The following GALNT13 variants were observed in gnomAD, a reference collection of about 807,000 sequenced individuals.
GALNT13 encodes polypeptide N-acetylgalactosaminyltransferase 13.
Under a neutral mutation model 64.2 loss-of-function variants are expected in GALNT13, and 28 were observed. The ratio of observed to expected loss-of-function variants is 0.44; its 90% CI spans 0.32 to 0.60. The LOEUF (loss-of-function observed/expected upper bound fraction) is 0.60. Among genes scored for constraint, GALNT13 ranks in the 20% least tolerant of loss-of-function variants. The pLI is 0.05. For missense variants in GALNT13, 577 were observed against 669.8 expected (o/e 0.86, Z 1.53); for synonymous variants, 214 against 224.6 (o/e 0.95, Z 0.42).
At chr2:153,795,866 T>C in the GALNT13 span, among the ~76,000 whole-genome samples, 15 of 152,200 alleles carry the variant, frequency 9.9e-5, no homozygotes, top group Non-Finnish European at 1.8e-4. Flanking sequence ...TTCACAATTA[T>C]TCACTTAAGC....
chr2:153,646,051 G>A, the GALNT13 span, among the ~76,000 whole-genome samples: 3 of 152,014 alleles, frequency 2.0e-5, no homozygotes, highest in African/African-American at 4.8e-5. Flanking sequence ...CTATTTTGGT[G>A]TAATAATGCC....
chr2:153,612,741 C>G, the GALNT13 span, among the ~76,000 whole-genome samples: 1 of 152,000 alleles, frequency 6.6e-6, no homozygotes, highest in Non-Finnish European at 1.5e-5. Context: ...GAAATATATT[C>G]TTTATAATGG....
intron 3 of GALNT13, among the ~76,000 whole-genome samples, chr2:154,067,327 T>C (rs1399837658): frequency 6.6e-6 from 1 of 151,988 alleles, no homozygotes; most frequent in African/African-American, 2.4e-5. Flanking sequence ...AACTCTCCAA[T>C]CAAAAGGCAT....
chr2:154,333,664 T>A (rs1217536508), intron 9 of GALNT13, among the ~76,000 whole-genome samples: 1 of 152,110 alleles, frequency 6.6e-6, no homozygotes, highest in African/African-American at 2.4e-5. Context: ...TATACCTGTT[T>A]ATAAAAATGG....
chr2:153,776,166 A>G, the GALNT13 span, among the ~76,000 whole-genome samples: 4 of 152,242 alleles, frequency 2.6e-5, no homozygotes, highest in Non-Finnish European at 5.9e-5. Context: ...GAAATAAATC[A>G]AAAAACAAAT....
At chr2:153,191,760 G>A in the GALNT13 span, among the ~76,000 whole-genome samples, 2 of 151,374 alleles carry the variant, frequency 1.3e-5, no homozygotes, top group Non-Finnish European at 3.0e-5. Context: ...GGTTGTTCCG[G>A]TTTTCTGTTT....
chr2:153,488,379 ACT>A, the GALNT13 span, among the ~76,000 whole-genome samples: 3 of 152,136 alleles, frequency 2.0e-5, no homozygotes, highest in Admixed American at 2.0e-4. Flanking sequence ...TCTTTTAGAC[ACT>A]GTTTTTTTCC....
chr2:153,527,578 C>T, the GALNT13 span, among the ~76,000 whole-genome samples: 9 of 152,168 alleles, frequency 5.9e-5, no homozygotes, highest in African/African-American at 1.9e-4. Flanking sequence ...TAAGTAATCA[C>T]CTGAATGTAC....
chr2:153,447,638 G>T, the GALNT13 span, among the ~76,000 whole-genome samples: 1 of 151,946 alleles, frequency 6.6e-6, no homozygotes, highest in Non-Finnish European at 1.5e-5. Flanking sequence ...TAGTTTTATT[G>T]GTTATATAAT....
chr2:154,288,341 C>G (rs549961652), intron 8 of GALNT13, among the ~76,000 whole-genome samples: 1 of 152,192 alleles, frequency 6.6e-6, no homozygotes, highest in South Asian at 2.1e-4. Context: ...TGGGTGGAGA[C>G]AGAGCCAAAC....
At chr2:154,046,395 C>T (rs534708897) in intron 3 of GALNT13, among the ~76,000 whole-genome samples, 8 of 152,122 alleles carry the variant, frequency 5.3e-5, no homozygotes, top group East Asian at 3.9e-4. Context: ...TCTGGTGGGC[C>T]GTTTTCCTTT....
intron 4 of GALNT13, among the ~76,000 whole-genome samples, chr2:154,195,641 T>C (rs923661095): frequency 6.6e-6 from 1 of 152,162 alleles, no homozygotes; most frequent in African/African-American, 2.4e-5. Context: ...CTTTGTTTAG[T>C]GCAAGGCCTT....
the GALNT13 span, among the ~76,000 whole-genome samples, chr2:153,192,803 A>G: frequency 6.6e-6 from 1 of 151,834 alleles, no homozygotes; most frequent in African/African-American, 2.4e-5. Flanking sequence ...ATTTAATGTA[A>G]GTATAGCTAC....
intron 9 of GALNT13, among the ~76,000 whole-genome samples, chr2:154,383,517 C>T (rs1420563961): frequency 6.6e-6 from 1 of 151,852 alleles, no homozygotes; most frequent in African/African-American, 2.4e-5. Flanking sequence ...TCAGATGCTC[C>T]TTGAGTTACT....
chr2:153,230,257 A>G, the GALNT13 span, among the ~76,000 whole-genome samples: 2 of 152,174 alleles, frequency 1.3e-5, no homozygotes, highest in Non-Finnish European at 2.9e-5. Flanking sequence ...ATGTTTTTCT[A>G]ATTTTCTTAT....
chr2:153,498,623 G>A, the GALNT13 span, among the ~76,000 whole-genome samples: 21 of 152,228 alleles, frequency 1.4e-4, no homozygotes, highest in Admixed American at 1.2e-3. Flanking sequence ...ATCTGGACAA[G>A]GGGAATGCAG....
chr2:154,006,479 A>T (rs1242463232), intron 3 of GALNT13, among the ~76,000 whole-genome samples: 1 of 152,168 alleles, frequency 6.6e-6, no homozygotes, highest in South Asian at 2.1e-4. Flanking sequence ...TGATGTACTA[A>T]ATCTTGTAAA....
the GALNT13 span, among the ~76,000 whole-genome samples, chr2:153,111,376 T>G: frequency 6.6e-6 from 1 of 152,082 alleles, no homozygotes; most frequent in Non-Finnish European, 1.5e-5. Context: ...AATCTCTTGA[T>G]TGGAGATTCC....
the GALNT13 span, among the ~76,000 whole-genome samples, chr2:153,686,619 G>A: frequency 2.6e-5 from 4 of 151,902 alleles, no homozygotes; most frequent in Admixed American, 6.6e-5. Flanking sequence ...CTCCCTATTT[G>A]AATGCTCTTT....
Sources: allele counts gnomAD v4.1 joint callset (sites outside exome capture counted in the v4.1 genomes callset), GRCh38; gene constraint gnomAD v4.1.1; transcripts MANE v1.5; gene names NCBI Gene and HGNC (gene_info 2026-07-23, HGNC 2026-07-21).